CDH12: variants seen among roughly 807,000 people sequenced by gnomAD.
The protein encoded by CDH12 is cadherin 12, also known as cadherin-12.
CDH12 carries 41 observed loss-of-function variants against 74.1 expected under a neutral mutation model. The ratio of observed to expected loss-of-function variants is 0.55; its 90% confidence interval spans 0.43 to 0.72. CDH12 has a LOEUF of 0.72. CDH12 is among the 30% of genes least tolerant of loss of function. The probability of loss-of-function intolerance (pLI) is 0.00; values close to 1 mark genes in which losing one functional copy is unlikely to be tolerated. For synonymous variants in CDH12, 399 were observed against 355.0 expected, an observed-to-expected ratio of 1.12 and a Z score of -1.39; for missense variants, 945 against 977.2, an observed-to-expected ratio of 0.97 and a Z score of 0.44.
chr5:21,987,207 C>G (rs1368554425), intron 5 of CDH12, among the ~76,000 whole-genome samples: 2 of 151,770 alleles, frequency 1.3e-5, no homozygotes, highest in South Asian at 2.1e-4. Context: ...AAAATCAAAT[C>G]AATTACGATA....
chr5:22,681,698 A>G (rs1169282632), intron 1 of CDH12, among the ~76,000 whole-genome samples: 1 of 152,154 alleles, frequency 6.6e-6, no homozygotes, highest in Non-Finnish European at 1.5e-5. Flanking sequence ...ATGTATTTCC[A>G]AAAGTGTCAC....
chr5:22,842,744 G>T (rs1201682984), intron 1 of CDH12, among the ~76,000 whole-genome samples: 1 of 152,074 alleles, frequency 6.6e-6, no homozygotes, highest in African/African-American at 2.4e-5. Context: ...CAGAAACAAA[G>T]AAAGGTTGGG....
intron 10 of CDH12, among the ~76,000 whole-genome samples, chr5:21,787,173 T>C (rs1579700876): frequency 6.6e-6 from 1 of 151,802 alleles, no homozygotes; most frequent in Non-Finnish European, 1.5e-5. Flanking sequence ...TTGAAAGGAG[T>C]TCCATTGTAG....
rs1222871034 is a variant in CDH12, at chr5:22,625,104, G to A, written c.-522-119740C>T. Among the ~76,000 whole-genome samples, 6 of 152,108 alleles carry A rather than the reference G, an allele frequency of 3.9e-5. No homozygotes were observed. In the South Asian group the frequency reaches 1.2e-3, roughly 31 times the overall value. The stretch of plus-strand genomic sequence containing the variant: ...ATGTTCTCACTCACAGGTGGGAAAT[G>A]AACAATGAGAACACTTGGACACAGG... On this transcript the variant is annotated intron_variant, in intron 1 of 14. Transcript: ENST00000382254.
chr5:22,325,904 T>A (rs1220252309), intron 3 of CDH12, among the ~76,000 whole-genome samples: 1 of 151,818 alleles, frequency 6.6e-6, no homozygotes, highest in East Asian at 2.0e-4. Context: ...GGAGACTCCG[T>A]CTCAGAACAA....
At chr5:22,091,584 T>A (rs1743437537) in intron 4 of CDH12, among the ~76,000 whole-genome samples, 1 of 151,914 alleles carries the variant, frequency 6.6e-6, no homozygotes, top group African/African-American at 2.4e-5. Flanking sequence ...TGAGTGGGCA[T>A]AAAATGTTCA....
chr5:22,547,183 G>A (rs1017535962), intron 1 of CDH12, among the ~76,000 whole-genome samples: 5 of 152,162 alleles, frequency 3.3e-5, no homozygotes, highest in South Asian at 2.1e-4. Flanking sequence ...AAAACTGGAT[G>A]GGGGAGTTAG....
intron 5 of CDH12, among the ~76,000 whole-genome samples, chr5:22,067,445 G>T (rs13183300): frequency 0.16 from 23,773 of 152,086 alleles, 2,521 homozygotes; most frequent in Non-Finnish European, 0.23. Flanking sequence ...AAAGTAATTT[G>T]CATTTAGGTA....
At position 21,816,925 on chromosome 5, in the gene CDH12, C is replaced by A. The variant is rs372848394; in HGVS notation, c.1002+20G>T. On this transcript the variant is annotated intron_variant, in intron 9 of 14. Transcript: ENST00000382254. ...TAATTATTATTTAGTAGTCAACTGT[C>A]CCAACATTTGTCTATATACCTTTTT... The A allele has an allele frequency of 5.7e-5, 83 of 1,461,804 alleles. No individual in the cohort carries two copies. The African/African-American group carries it at 1.1e-3, about 19-fold the overall frequency. The allele number at this position is 1,461,804 out of a possible 1,614,324, so 90.6% of individuals were successfully genotyped here.
chr5:22,058,031 A>ATCTG (rs1187646534), intron 5 of CDH12, among the ~76,000 whole-genome samples: 185 of 150,404 alleles, frequency 1.2e-3, no homozygotes, highest in Non-Finnish European at 2.1e-3. Context: ...CTATCTATCT[A>ATCTG]TCTATCTATC....
intron 6 of CDH12, among the ~76,000 whole-genome samples, chr5:21,936,763 A>C (rs899806956): frequency 6.6e-5 from 10 of 152,066 alleles, no homozygotes; most frequent in Non-Finnish European, 1.3e-4. Flanking sequence ...ATTAGCTCAA[A>C]GGGGTGGTTT....
At chr5:22,421,095 AGATGGTCGGGTTTTCTAGATATAG>A in intron 2 of CDH12, among the ~76,000 whole-genome samples, 1 of 152,294 alleles carries the variant, frequency 6.6e-6, no homozygotes, top group South Asian at 2.1e-4. Flanking sequence ...TTTTGGGCTG[AGATGGTCGGGTTTTCTAGATATAG>A]GATCATGTAA....
chr5:22,334,435 G>A (rs753288784), intron 3 of CDH12, among the ~76,000 whole-genome samples: 1 of 151,892 alleles, frequency 6.6e-6, no homozygotes, highest in African/African-American at 2.4e-5. Context: ...ACTACCCAAA[G>A]CAATCTACAG....
At chr5:21,755,340 A>G (rs1744321965) in intron 14 of CDH12, among the ~76,000 whole-genome samples, 2 of 152,258 alleles carry the variant, frequency 1.3e-5, no homozygotes, top group East Asian at 1.9e-4. Flanking sequence ...TCTTGAACAT[A>G]TTTTTGGTGT....
At chr5:21,800,367 G>T (rs1387847061) in intron 10 of CDH12, among the ~76,000 whole-genome samples, 1 of 152,134 alleles carries the variant, frequency 6.6e-6, no homozygotes. Context: ...GAGATGATAT[G>T]TATCCCCCCA....
In CDH12 at chr5:21,875,896, AT is replaced by A. The variant is rs34435511; in HGVS notation, c.527-21107del. Reference sequence around the variant, plus strand: ...ACGTTTACCTTTCTTCTTTGCGGGCATTTTTTTTTTTTTTTTCTGAAACGGA... The same window carrying A: ...ACGTTTACCTTTCTTCTTTGCGGGCATTTTTTTTTTTTTTTCTGAAACGGA... On this transcript the variant is annotated intron_variant, in intron 6 of 14. Coordinates refer to ENST00000382254, the MANE Select transcript of CDH12 (RefSeq NM_004061.5). 8.7e-3 allele frequency among the ~76,000 whole-genome samples: 1,191 copies of A among 136,782 alleles called. 16 individuals carry two copies. Among genetic ancestry groups the A allele is most frequent in the African/African-American group, 0.031 (1,139 of 36,490 alleles). 89.7% of individuals were successfully genotyped at this position (136,782 alleles called of 152,430 possible).
intron 1 of CDH12, among the ~76,000 whole-genome samples, chr5:22,744,134 A>T (rs891195018): frequency 6.6e-6 from 1 of 152,136 alleles, no homozygotes; most frequent in South Asian, 2.1e-4. Flanking sequence ...TTAACATTTT[A>T]AAACTCCAGT....
At chr5:22,508,961 A>C (rs2126668102) in intron 1 of CDH12, among the ~76,000 whole-genome samples, 1 of 152,272 alleles carries the variant, frequency 6.6e-6, no homozygotes, top group African/African-American at 2.4e-5. Flanking sequence ...CTCTTCAAAT[A>C]TTTTACAAAT....
At chr5:22,413,273 A>G (rs775006394) in intron 2 of CDH12, among the ~76,000 whole-genome samples, 46 of 152,098 alleles carry the variant, frequency 3.0e-4, no homozygotes, top group Admixed American at 7.9e-4. Context: ...AAAAGTCCAA[A>G]GGGGAAAAGT....
Sources: allele counts gnomAD v4.1 joint callset (sites outside exome capture counted in the v4.1 genomes callset), GRCh38; gene constraint gnomAD v4.1.1; transcripts MANE v1.5; gene names NCBI Gene and HGNC (gene_info 2026-07-23, HGNC 2026-07-21).